Variants in AGR3 observed in about 807,000 individuals in gnomAD.
AGR3 encodes the protein anterior gradient protein 3.
AGR3 carries 37 observed loss-of-function variants against 24.5 expected under a neutral mutation model. That is an observed-to-expected ratio of 1.51 (90% CI 1.16 to 1.99). AGR3 has a LOEUF of 1.99. Ranked by LOEUF, AGR3 falls within the 30% of genes most tolerant of loss-of-function variation. The pLI, the probability that AGR3 is intolerant of heterozygous loss-of-function variation, is 0.00. For synonymous variants in AGR3, 75 were observed against 61.6 expected (o/e 1.22, Z -1.02); for missense variants, 228 against 191.1 (o/e 1.19, Z -1.14).
chr7:16,864,786 G>C, intron 3 of AGR3: 1 of 1,018,868 alleles, frequency 9.8e-7, no homozygotes, highest in Non-Finnish European at 1.6e-6. Context: ...CATATCCTCC[G>C]GCTTTGTTGG....
intron 3 of AGR3, chr7:16,866,084 T>C (rs112878706): frequency 1.7e-6 from 1 of 595,954 alleles, no homozygotes; most frequent in Non-Finnish European, 3.2e-6. Context: ...CTAAACCATA[T>C]ATCTGTTCTA....
intron 3 of AGR3, 41 bp downstream of exon 3, chr7:16,873,739 C>G (rs1362050948): frequency 6.9e-7 from 1 of 1,450,862 alleles, no homozygotes; most frequent in Admixed American, 1.7e-5. Context: ...TATGAGTCTA[C>G]TACAAATAAA....
intron 3 of AGR3, among the ~76,000 whole-genome samples, chr7:16,870,834 A>T (rs1781851048): frequency 6.6e-6 from 1 of 152,132 alleles, no homozygotes; most frequent in South Asian, 2.1e-4. Flanking sequence ...TGGAAGTGAG[A>T]TTCTTCTGTA....
intron 3 of AGR3, chr7:16,864,896 C>A (rs1199166102): frequency 2.2e-6 from 2 of 889,812 alleles, no homozygotes; most frequent in East Asian, 2.4e-5. Flanking sequence ...CTTAGAAATT[C>A]ACTGGCTCTC....
chr7:16,855,124 G>A (rs1470359415), downstream of AGR3, among the ~76,000 whole-genome samples: 1 of 152,118 alleles, frequency 6.6e-6, no homozygotes, highest in Admixed American at 6.5e-5. Flanking sequence ...ATCATTCCTT[G>A]TATTGGGAAC....
At chr7:16,865,377 C>A (rs1781736516) in intron 3 of AGR3, 3 of 1,126,236 alleles carry the variant, frequency 2.7e-6, no homozygotes, top group East Asian at 2.4e-5. Context: ...AATTTTTCCT[C>A]CATTCTTGTT....
chr7:16,864,842 G>C (rs1041539606), intron 3 of AGR3: 3 of 874,944 alleles, frequency 3.4e-6, no homozygotes, highest in Non-Finnish European at 5.9e-6. Flanking sequence ...TATTTCCTGA[G>C]TAAAGAGCGT....
At chr7:16,857,674 G>C (rs1781573079), downstream of AGR3, among the ~76,000 whole-genome samples, 1 of 151,944 alleles carries the variant, frequency 6.6e-6, no homozygotes. Flanking sequence ...AATTAAAATA[G>C]GATATTTAAT....
intron 2 of AGR3, among the ~76,000 whole-genome samples, chr7:16,876,383 C>G (rs368174881): frequency 6.6e-6 from 1 of 152,098 alleles, no homozygotes; most frequent in Non-Finnish European, 1.5e-5. Context: ...CTCAGCAATT[C>G]TGATTCAAAG....
intron 3 of AGR3, chr7:16,865,644 T>C (rs1479029294): frequency 6.4e-6 from 5 of 778,576 alleles, no homozygotes; most frequent in Non-Finnish European, 9.3e-6. Flanking sequence ...ACCAGAATTA[T>C]CTTCTTATCA....
chr7:16,863,499 G>T (rs1781688373), intron 3 of AGR3, among the ~76,000 whole-genome samples: 1 of 151,866 alleles, frequency 6.6e-6, no homozygotes, highest in Non-Finnish European at 1.5e-5. Flanking sequence ...TCCTCCTACT[G>T]CTAACTTCTA....
downstream of AGR3, among the ~76,000 whole-genome samples, chr7:16,855,584 G>A (rs1458734813): frequency 6.6e-6 from 1 of 152,204 alleles, no homozygotes; most frequent in Non-Finnish European, 1.5e-5. Flanking sequence ...GTGTGAAAGA[G>A]AAGGGGGCTG....
At chr7:16,858,098 C>T (rs188875073), downstream of AGR3, among the ~76,000 whole-genome samples, 72 of 152,022 alleles carry the variant, frequency 4.7e-4, no homozygotes, top group Non-Finnish European at 7.9e-4. Context: ...AGTGATTCTC[C>T]TGCCTCAGCC....
chr7:16,865,788 A>T (rs1217321345), intron 3 of AGR3: 56 of 750,018 alleles, frequency 7.5e-5, no homozygotes, highest in South Asian at 7.4e-4. Context: ...ATTTCCTTGA[A>T]ATCATCTTTT....
chr7:16,868,799 G>A (rs1455946121), intron 3 of AGR3, among the ~76,000 whole-genome samples: 2 of 152,172 alleles, frequency 1.3e-5, no homozygotes, highest in Non-Finnish European at 2.9e-5. Flanking sequence ...GAGCATCAAA[G>A]GAGATAGGCT....
At chr7:16,880,125 T>TTCCTTCTTTCCTTCCTTCCTTCCG (rs1782080481) in intron 1 of AGR3, among the ~76,000 whole-genome samples, 1 of 147,752 alleles carries the variant, frequency 6.8e-6, no homozygotes, top group Non-Finnish European at 1.5e-5. Context: ...CCTTCCTTCC[T>TTCCTTCTTTCCTTCCTTCCTTCCG]TCCTCTTTCT....
intron 6 of AGR3, among the ~76,000 whole-genome samples, 166 bp from the exon 7 acceptor site, chr7:16,860,749 C>T (rs1239835082): frequency 1.3e-5 from 2 of 152,270 alleles, no homozygotes; most frequent in South Asian, 2.1e-4. Context: ...ACCCAACACC[C>T]TAATAGTGAA....
At chr7:16,872,471 G>T (rs527303640) in intron 3 of AGR3, among the ~76,000 whole-genome samples, 1 of 152,220 alleles carries the variant, frequency 6.6e-6, no homozygotes, top group Admixed American at 6.5e-5. Context: ...ATGGACTAAA[G>T]ACTTGAATGT....
intron 3 of AGR3, among the ~76,000 whole-genome samples, chr7:16,863,737 A>T (rs540602178): frequency 6.6e-6 from 1 of 151,996 alleles, no homozygotes; most frequent in African/African-American, 2.4e-5. Context: ...ATTATATTCT[A>T]TTATATTAAT....
Sources: allele counts gnomAD v4.1 joint callset (sites outside exome capture counted in the v4.1 genomes callset), GRCh38; gene constraint gnomAD v4.1.1; transcripts MANE v1.5; gene names NCBI Gene and HGNC (gene_info 2026-07-23, HGNC 2026-07-21).